The following WDPCP variants were observed in gnomAD, a reference collection of about 807,000 sequenced individuals.
WDPCP encodes the protein WD repeat-containing and planar cell polarity effector protein fritz homolog.
WDPCP carries 71 observed loss-of-function variants against 93.1 expected under a neutral mutation model. The observed-to-expected ratio is 0.76, with a 90% CI of 0.63 to 0.93. The LOEUF (loss-of-function observed/expected upper bound fraction) is 0.93. WDPCP is among the 40% of genes least tolerant of loss of function. WDPCP has a pLI of 0.00. For synonymous variants in WDPCP, 315 were observed against 315.0 expected (o/e 1.00, Z 0.00); for missense variants, 844 against 887.4 (o/e 0.95, Z 0.62).
intron 1 of WDPCP, among the ~76,000 whole-genome samples, chr2:63,494,311 T>C (rs779669891): frequency 2.8e-5 from 3 of 107,876 alleles, no homozygotes; most frequent in South Asian, 3.1e-4. Context: ...ACAATGATGA[T>C]GACGATGATG....
intron 13 of WDPCP, 104 bp from the exon 14 acceptor site, chr2:63,259,513 C>CA: frequency 1.1e-6 from 1 of 939,758 alleles, no homozygotes; most frequent in Non-Finnish European, 1.7e-6. Flanking sequence ...AAAATAGAAA[C>CA]AGTTTGTAAA....
At chr2:63,616,916 T>A (rs1709679181) in intron 3 of WDPCP, among the ~76,000 whole-genome samples, 1 of 152,206 alleles carries the variant, frequency 6.6e-6, no homozygotes, top group Admixed American at 6.5e-5. Context: ...GAATTTTTTG[T>A]TTGTAAAAAC....
chr2:63,451,830 C>T (rs184678488), intron 6 of WDPCP, among the ~76,000 whole-genome samples: 3,103 of 152,228 alleles, frequency 0.02, 125 homozygotes, highest in African/African-American at 0.071. Flanking sequence ...ATAAACAGAA[C>T]CAACGACAAA....
intron 9 of WDPCP, 31 bp from the exon 10 acceptor site, chr2:63,404,688 T>A (rs2105195343): frequency 6.2e-7 from 1 of 1,612,766 alleles, no homozygotes; most frequent in South Asian, 1.1e-5. Context: ...TACATTCAGA[T>A]AAACTTTGGT....
intron 6 of WDPCP, among the ~76,000 whole-genome samples, chr2:63,464,381 G>C (rs1313691935): frequency 1.3e-5 from 2 of 152,048 alleles, no homozygotes; most frequent in Admixed American, 1.3e-4. Context: ...AATCAGAAAA[G>C]ATCTAGTGTT....
chr2:63,486,491 A>G (rs1700581287), intron 4 of WDPCP, 51 bp downstream of exon 4: 2 of 1,483,126 alleles, frequency 1.3e-6, no homozygotes, highest in Admixed American at 3.9e-5. Context: ...ATTTTATAAT[A>G]CTGAACTTTA....
intron 1 of WDPCP, among the ~76,000 whole-genome samples, chr2:63,538,096 C>T (rs1021064818): frequency 6.6e-6 from 1 of 151,802 alleles, no homozygotes; most frequent in Non-Finnish European, 1.5e-5. Flanking sequence ...AAATCTTAAA[C>T]TTTAAAGAAC....
intron 2 of WDPCP, among the ~76,000 whole-genome samples, chr2:63,719,332 G>A (rs1379986789): frequency 6.6e-6 from 1 of 152,136 alleles, no homozygotes; most frequent in Non-Finnish European, 1.5e-5. Context: ...TGTGGGACAG[G>A]GCAAGCGACA....
chr2:63,704,525 C>G (rs1165412753), intron 2 of WDPCP, among the ~76,000 whole-genome samples: 1 of 152,178 alleles, frequency 6.6e-6, no homozygotes, highest in Admixed American at 6.5e-5. Context: ...TGAATTTTGT[C>G]AGAGGCCTTT....
At chr2:63,728,883 C>G (rs866101296) in intron 2 of WDPCP, among the ~76,000 whole-genome samples, 3 of 152,326 alleles carry the variant, frequency 2.0e-5, no homozygotes, top group Middle Eastern at 3.4e-3. Flanking sequence ...CATTCTTCAT[C>G]TAACTATTCA....
At chr2:63,476,211 A>G (rs1699962777) in intron 6 of WDPCP, among the ~76,000 whole-genome samples, 2 of 152,234 alleles carry the variant, frequency 1.3e-5, no homozygotes, top group South Asian at 4.1e-4. Context: ...CCGCAATATG[A>G]AAGTGTTTAC....
chr2:63,487,562 A>T (rs1162398599), intron 2 of WDPCP, 68 bp from the exon 3 acceptor site: 3 of 1,182,810 alleles, frequency 2.5e-6, no homozygotes, highest in Non-Finnish European at 3.8e-6. Context: ...GCCAAGCCAT[A>T]CTATATTAGG....
rs755279297 is a variant in WDPCP, at chr2:63,484,715, T to C, written c.325-52A>G. The C allele has an allele frequency of 2.5e-6, 4 of 1,608,542 alleles. No individual in the cohort carries two copies. The African/African-American group carries it at 4.0e-5, about 16-fold the overall frequency. Reference sequence around the variant, plus strand: ...CGTAGTTGGCTGTACACATTGTCATTATCAGTTAAAGTGCCTCTGATTTGC... The same window carrying C: ...CGTAGTTGGCTGTACACATTGTCATCATCAGTTAAAGTGCCTCTGATTTGC... On this transcript the variant is annotated intron_variant, in intron 5 of 17. Transcript: ENST00000272321.
At chr2:63,179,380 G>A (rs1674066619) in intron 14 of WDPCP, among the ~76,000 whole-genome samples, 1 of 151,700 alleles carries the variant, frequency 6.6e-6, no homozygotes, top group Non-Finnish European at 1.5e-5. Context: ...TGGATTATGG[G>A]GGCAGATTTC....
chr2:63,152,856 C>A, intron 17 of WDPCP, 58 bp downstream of exon 17: 1 of 1,510,632 alleles, frequency 6.6e-7, no homozygotes, highest in African/African-American at 1.4e-5. Context: ...TAATCACATA[C>A]ATTATGCTTT....
intron 10 of WDPCP, among the ~76,000 whole-genome samples, chr2:63,384,209 C>G (rs1366835794): frequency 6.6e-6 from 1 of 151,838 alleles, no homozygotes; most frequent in Non-Finnish European, 1.5e-5. Flanking sequence ...ATAGAAAAAT[C>G]AATGAATTCA....
At chr2:63,522,640 G>T (rs1027842512) in intron 1 of WDPCP, among the ~76,000 whole-genome samples, 2 of 152,060 alleles carry the variant, frequency 1.3e-5, no homozygotes, top group Non-Finnish European at 2.9e-5. Context: ...GTCACCACTT[G>T]CCCCACAGAA....
At chr2:63,182,169 G>A (rs1674295609) in intron 14 of WDPCP, among the ~76,000 whole-genome samples, 1 of 151,998 alleles carries the variant, frequency 6.6e-6, no homozygotes, top group South Asian at 2.1e-4. Context: ...GCTCTGGCTT[G>A]GGCTTCTAGT....
rs1279780534 is a variant in WDPCP at position 63,575,435 on chromosome 2, T to C, written c.75+12762A>G. ...GTATATACACTGTATACAGTGTATATACAGTGTATACACTGTATATACAGT... is the reference window on the plus strand; with the variant it reads ...GTATATACACTGTATACAGTGTATACACAGTGTATACACTGTATATACAGT... On this transcript the variant is annotated intron_variant, in intron 1 of 17. Transcript: ENST00000272321. Among the ~76,000 whole-genome samples the C allele has an allele frequency of 1.7e-4, 17 of 102,506 alleles. 4 individuals carry two copies. Among genetic ancestry groups the C allele is most frequent in the African/African-American group, 6.9e-4 (15 of 21,892 alleles). The allele number at this position is 102,506 out of a possible 152,430, so 67.2% of individuals were successfully genotyped here.
Sources: gnomAD v4.1 joint callset for allele counts (sites outside exome capture counted in the v4.1 genomes callset) on GRCh38, gnomAD v4.1.1 for gene constraint, MANE v1.5 for transcripts, NCBI Gene and HGNC (gene_info 2026-07-23, HGNC 2026-07-21) for gene names.